Variants in SUN1 observed in about 807,000 individuals in gnomAD.
SUN1 encodes the protein Sad1 and UNC84 domain containing 1.
In SUN1, 61 loss-of-function variants were observed where a neutral mutation model predicts 103.2. The ratio of observed to expected loss-of-function variants is 0.59; its 90% CI spans 0.48 to 0.73. SUN1 has a LOEUF of 0.73. Ranked by LOEUF, SUN1 falls within the 30% of genes least tolerant of loss-of-function variation. The probability of loss-of-function intolerance (pLI) is 0.00; values close to 1 mark genes in which losing one functional copy is unlikely to be tolerated. For missense variants in SUN1, 1,052 were observed against 1,034.6 expected (o/e 1.02, Z -0.23); for synonymous variants, 490 against 425.7 (o/e 1.15, Z -1.86).
intron 12 of SUN1, 36 bp downstream of exon 12, chr7:856,437 GGT>G (rs759664592): frequency 8.7e-5 from 140 of 1,607,392 alleles, no homozygotes; most frequent in Non-Finnish European, 1.0e-4. Flanking sequence ...TTTTGTCTTC[GGT>G]GTGTGTGTGT....
chr7:843,945 G>A (rs556814778), intron 5 of SUN1: 1 of 1,067,990 alleles, frequency 9.4e-7, no homozygotes, highest in Non-Finnish European at 1.1e-6. Context: ...CATTTCCCGT[G>A]GTCGCTAGCC....
chr7:820,062 T>C (rs1179542118), intron 1 of SUN1, among the ~76,000 whole-genome samples: 1 of 152,196 alleles, frequency 6.6e-6, no homozygotes, highest in African/African-American at 2.4e-5. Flanking sequence ...TTGGGACCCA[T>C]TGCAGTTCCA....
chr7:824,345 A>G (rs1481541370), intron 1 of SUN1, among the ~76,000 whole-genome samples: 1 of 152,254 alleles, frequency 6.6e-6, no homozygotes, highest in African/African-American at 2.4e-5. Flanking sequence ...GTGTGGCTGC[A>G]GCACATCCCT....
At chr7:829,407 G>A (rs553982316), upstream of SUN1, among the ~76,000 whole-genome samples, 12 of 152,262 alleles carry the variant, frequency 7.9e-5, no homozygotes, top group African/African-American at 2.2e-4. Flanking sequence ...GTGTGCCGGC[G>A]AGCAGTGCAA....
intron 13 of SUN1, among the ~76,000 whole-genome samples, chr7:859,534 T>G (rs1193928383): frequency 2.6e-5 from 4 of 152,058 alleles, no homozygotes; most frequent in African/African-American, 9.7e-5. Context: ...GTGCCATTGT[T>G]AGGGGGTGTG....
chr7:871,229 C>G (rs995512590), intron 17 of SUN1, among the ~76,000 whole-genome samples: 4 of 152,136 alleles, frequency 2.6e-5, no homozygotes, highest in East Asian at 1.9e-4. Context: ...TTTGTAAATT[C>G]TAGTCTTCTT....
chr7:817,537 C>T, intron 1 of SUN1: 1 of 1,534,246 alleles, frequency 6.5e-7, no homozygotes, highest in African/African-American at 1.4e-5. Flanking sequence ...TCTCGCTTTG[C>T]AGCTTGTGGT....
intron 17 of SUN1, among the ~76,000 whole-genome samples, chr7:870,224 T>C (rs1840507742): frequency 9.1e-6 from 1 of 110,428 alleles, no homozygotes; most frequent in Non-Finnish European, 1.9e-5. Context: ...AAAAAAAAAA[T>C]TACAGTTGAG....
chr7:867,464 C>A (rs1261662958), intron 16 of SUN1, among the ~76,000 whole-genome samples: 1 of 152,200 alleles, frequency 6.6e-6, no homozygotes, highest in Admixed American at 6.5e-5. Context: ...TGATCCTGAC[C>A]CTCCCAGAGG....
chr7:861,279 A>T, intron 14 of SUN1, 101 bp from the exon 15 acceptor site: 1 of 1,153,120 alleles, frequency 8.7e-7, no homozygotes, highest in Non-Finnish European at 1.3e-6. Flanking sequence ...CGTTGAGAAG[A>T]TGCTCTAATG....
intron 15 of SUN1, among the ~76,000 whole-genome samples, chr7:864,923 T>A (rs1258757085): frequency 6.7e-6 from 1 of 149,168 alleles, no homozygotes; most frequent in Non-Finnish European, 1.5e-5. Flanking sequence ...GCCACTGCAC[T>A]CTGCCTCATT....
upstream of SUN1, among the ~76,000 whole-genome samples, chr7:831,372 T>C (rs1306718941): frequency 2.0e-5 from 3 of 151,392 alleles, no homozygotes; most frequent in South Asian, 2.1e-4. Flanking sequence ...CCCGGGTTCA[T>C]GCCATTCTCC....
intron 1 of SUN1, among the ~76,000 whole-genome samples, chr7:822,751 C>T (rs940649038): frequency 6.6e-6 from 1 of 152,202 alleles, no homozygotes; most frequent in Non-Finnish European, 1.5e-5. Context: ...CTGCTGTTGA[C>T]AATTACTGTT....
intron 3 of SUN1, 43 bp from the exon 4 acceptor site, chr7:843,163 C>G: frequency 6.3e-7 from 1 of 1,596,552 alleles, no homozygotes; most frequent in Admixed American, 1.7e-5. Context: ...ATAAGCTGAG[C>G]TCAACAGCAA....
intron 5 of SUN1, among the ~76,000 whole-genome samples, chr7:847,141 T>C (rs1816628610): frequency 6.6e-6 from 1 of 152,236 alleles, no homozygotes; most frequent in Non-Finnish European, 1.5e-5. Context: ...AGTGTATGTG[T>C]GAACAGCATT....
Position 860,254 on chromosome 7 carries a change from C to T in SUN1, c.1651C>T (p.Leu551=). The T allele has an allele frequency of 6.2e-7, 1 of 1,614,268 alleles. No homozygotes were observed. The highest frequency in any genetic ancestry group is 8.5e-7 in the Non-Finnish European group (1 of 1,180,056). Residue 551 remains leucine (L), a synonymous_variant, in exon 14 of 19, where the codon CTG becomes TTG. Coordinates refer to ENST00000401592, the MANE Select transcript of SUN1 (RefSeq NM_001130965.3). The stretch of plus-strand genomic sequence containing the variant: ...GAGCAAAGGCGACTTGCAGACGATG[C>T]TGCGAGACCTGCAGCTGCAGATCCT... ...FVSKGDLQTM[L]RDLQLQILRN...
chr7:870,035 A>C (rs1562840683), intron 17 of SUN1, among the ~76,000 whole-genome samples: 1 of 147,704 alleles, frequency 6.8e-6, no homozygotes, highest in Admixed American at 6.7e-5. Context: ...CTCTACTAAA[A>C]TATACAAAAA....
chr7:849,878 T>C lies in SUN1; in HGVS notation c.659-1506T>C, dbSNP rs199798984. Reference sequence around the variant, plus strand: ...ATGCACGGCTGAGATGGACAGAGTTTGCTTGTGAATCCGCCACACTCACTG... The same window carrying C: ...ATGCACGGCTGAGATGGACAGAGTTCGCTTGTGAATCCGCCACACTCACTG... On this transcript the variant is annotated intron_variant, in intron 5 of 18. Transcript: ENST00000401592. 763 of 1,560,614 alleles carry C rather than the reference T, an allele frequency of 4.9e-4. 1 individual carries two copies. The highest frequency in any genetic ancestry group is 2.2e-3 in the Middle Eastern group (13 of 6,000).
chr7:843,779 G>T, intron 5 of SUN1: 2 of 1,424,132 alleles, frequency 1.4e-6, no homozygotes, highest in African/African-American at 2.9e-5. Context: ...AAATTTCTAC[G>T]TAAGCGAAAC....
Sources: gnomAD v4.1 joint callset for allele counts (sites outside exome capture counted in the v4.1 genomes callset) on GRCh38, gnomAD v4.1.1 for gene constraint, MANE v1.5 for transcripts, NCBI Gene and HGNC (gene_info 2026-07-23, HGNC 2026-07-21) for gene names.